The following HAO1 variants were observed in gnomAD, a reference collection of about 807,000 sequenced individuals.
The protein encoded by HAO1 is 2-Hydroxyacid oxidase 1.
Under a neutral mutation model 39.7 loss-of-function variants are expected in HAO1, and 34 were observed. The observed-to-expected ratio is 0.86, with a 90% CI of 0.65 to 1.14. HAO1 has a LOEUF of 1.14. HAO1 is among the 50% of genes most tolerant of loss of function. HAO1 has a pLI of 0.00. For missense variants in HAO1, 479 were observed against 464.5 expected, an observed-to-expected ratio of 1.03 and a Z score of -0.29; for synonymous variants, 172 against 173.2, an observed-to-expected ratio of 0.99 and a Z score of 0.05.
intron 7 of HAO1, among the ~76,000 whole-genome samples, chr20:7,884,242 T>C (rs1490704905): frequency 6.6e-6 from 1 of 152,202 alleles, no homozygotes; most frequent in Non-Finnish European, 1.5e-5. Flanking sequence ...TATGTATTGT[T>C]TGTGTGCCAG....
At chr20:7,908,484 A>T (rs942319112) in intron 3 of HAO1, among the ~76,000 whole-genome samples, 4 of 152,122 alleles carry the variant, frequency 2.6e-5, no homozygotes, top group African/African-American at 9.7e-5. Flanking sequence ...CCTTTAATAG[A>T]AAACTATGAT....
intron 4 of HAO1, among the ~76,000 whole-genome samples, chr20:7,901,848 T>C (rs2050222617): frequency 6.6e-6 from 1 of 152,206 alleles, no homozygotes; most frequent in Non-Finnish European, 1.5e-5. Context: ...GAGGTCAAAA[T>C]ATCAGCATTA....
intron 4 of HAO1, among the ~76,000 whole-genome samples, chr20:7,897,513 C>T (rs918165997): frequency 3.3e-5 from 5 of 151,992 alleles, no homozygotes; most frequent in Non-Finnish European, 7.4e-5. Context: ...ATGTTATTGA[C>T]TTTACTGCTC....
intron 4 of HAO1, among the ~76,000 whole-genome samples, chr20:7,897,059 C>T (rs958343141): frequency 6.6e-6 from 1 of 152,152 alleles, no homozygotes; most frequent in South Asian, 2.1e-4. Context: ...ACCTAAATAG[C>T]TTCTCTTGTG....
At chr20:7,884,931 G>A (rs1249150266) in intron 7 of HAO1, among the ~76,000 whole-genome samples, 1 of 152,170 alleles carries the variant, frequency 6.6e-6, no homozygotes, top group Non-Finnish European at 1.5e-5. Context: ...ATGTCCATGG[G>A]ATGAGAGACA....
At chr20:7,897,680 T>C (rs1169737649) in intron 4 of HAO1, among the ~76,000 whole-genome samples, 2 of 152,150 alleles carry the variant, frequency 1.3e-5, no homozygotes, top group East Asian at 3.8e-4. Context: ...CTCTTCCTAT[T>C]TATATGTATA....
At chr20:7,890,033 G>T (rs913041018) in intron 5 of HAO1, among the ~76,000 whole-genome samples, 2 of 151,924 alleles carry the variant, frequency 1.3e-5, no homozygotes, top group African/African-American at 4.8e-5. Flanking sequence ...GACCTTTACC[G>T]CTCACAGAAA....
At chr20:7,885,489 A>G in intron 7 of HAO1, 32 bp downstream of exon 7, 1 of 1,433,616 alleles carries the variant, frequency 7.0e-7, no homozygotes, top group South Asian at 1.1e-5. Flanking sequence ...ATCATAAAAG[A>G]AAAGAAAGTT....
At chr20:7,922,823 G>T (rs968971470) in intron 2 of HAO1, among the ~76,000 whole-genome samples, 1 of 151,976 alleles carries the variant, frequency 6.6e-6, no homozygotes, top group African/African-American at 2.4e-5. Flanking sequence ...TCTTCCATTT[G>T]CAATGTAACT....
chr20:7,929,051 G>A (rs2050374590), intron 2 of HAO1, among the ~76,000 whole-genome samples: 1 of 143,710 alleles, frequency 7.0e-6, no homozygotes, highest in Non-Finnish European at 1.5e-5. Flanking sequence ...ACAGGAGCTT[G>A]CACTGTTTTT....
chr20:7,905,370 T>A (rs2122767344), intron 4 of HAO1, among the ~76,000 whole-genome samples: 1 of 152,312 alleles, frequency 6.6e-6, no homozygotes, highest in South Asian at 2.1e-4. Flanking sequence ...TATGAAAAAG[T>A]TTTGATTCAA....
chr20:7,895,634 G>A (rs1039834512), intron 4 of HAO1, among the ~76,000 whole-genome samples: 11 of 150,018 alleles, frequency 7.3e-5, no homozygotes, highest in Non-Finnish European at 1.5e-4. Flanking sequence ...CACTGTAAAT[G>A]TAACAGGCAG....
chr20:7,913,018 A>G (rs1416802151), intron 3 of HAO1, among the ~76,000 whole-genome samples: 1 of 152,242 alleles, frequency 6.6e-6, no homozygotes. Flanking sequence ...TTCACTCCAC[A>G]GTCACTGAAA....
rs6140461 is a variant in HAO1, at chr20:7,926,206, T to A, written c.289+8278A>T. 4.6e-5 allele frequency among the ~76,000 whole-genome samples: 7 copies of A among 152,266 alleles called. No homozygotes were observed. In the East Asian group the frequency reaches 1.4e-3, roughly 29 times the overall value. On this transcript the variant is annotated intron_variant, in intron 2 of 7. Coordinates refer to ENST00000378789, the MANE Select transcript of HAO1 (RefSeq NM_017545.3). ...ACCCCATCACCACCATTACTGGCAC[T>A]AGACCTTGGTCAAGGGCTTCCTTCT...
chr20:7,917,339 CA>C (rs55848354), intron 2 of HAO1, among the ~76,000 whole-genome samples: 7,663 of 62,382 alleles, frequency 0.12, 144 homozygotes, highest in Non-Finnish European at 0.14. Context: ...GACTCCCTGT[CA>C]AAAAAAAAAA....
At chr20:7,916,815 CTG>C (rs1174834550) in intron 2 of HAO1, among the ~76,000 whole-genome samples, 1 of 152,186 alleles carries the variant, frequency 6.6e-6, no homozygotes, top group Non-Finnish European at 1.5e-5. Context: ...GATCACTAGT[CTG>C]TTCTCCCAAA....
intron 5 of HAO1, among the ~76,000 whole-genome samples, chr20:7,889,126 T>C (rs1324585289): frequency 2.6e-5 from 4 of 152,200 alleles, no homozygotes; most frequent in Admixed American, 6.5e-5. Flanking sequence ...GAGTGGTTTG[T>C]TACACAGCAA....
At chr20:7,901,912 G>C (rs2142701) in intron 4 of HAO1, among the ~76,000 whole-genome samples, 130,951 of 152,196 alleles carry the variant, frequency 0.86, 56,392 homozygotes, top group African/African-American at 0.89. Context: ...TTGAGGAGTT[G>C]AAGACTATGG....
intron 4 of HAO1, among the ~76,000 whole-genome samples, chr20:7,903,858 C>CGGTGGTGGTGGT (rs10585629): frequency 1.1e-3 from 61 of 57,616 alleles, no homozygotes; most frequent in South Asian, 3.5e-3. Context: ...ATTGTGGTAG[C>CGGTGGTGGTGGT]GGTGGTGGTG....
Sources: gnomAD v4.1 joint callset for allele counts (sites outside exome capture counted in the v4.1 genomes callset) on GRCh38, gnomAD v4.1.1 for gene constraint, MANE v1.5 for transcripts, NCBI Gene and HGNC (gene_info 2026-07-23, HGNC 2026-07-21) for gene names.